Variants in MID1 observed in about 807,000 individuals in gnomAD.
MID1 encodes the protein E3 ubiquitin-protein ligase Midline-1.
A neutral mutation model predicts 40.4 loss-of-function variants in MID1; 7 were observed. The ratio of observed to expected loss-of-function variants is 0.17; its 90% confidence interval spans 0.10 to 0.33. The LOEUF is 0.33. Among genes scored for constraint, MID1 ranks in the 10% least tolerant of loss-of-function variants. The pLI, the probability that MID1 is intolerant of heterozygous loss-of-function variation, is 1.00. For missense variants in MID1, 367 were observed against 558.5 expected, an observed-to-expected ratio of 0.66 and a Z score of 3.46; for synonymous variants, 229 against 221.2, an observed-to-expected ratio of 1.04 and a Z score of -0.31.
At chrX:10,680,030 A>G (rs1364591698) in intron 1 of MID1, among the ~76,000 whole-genome samples, 2 of 112,418 alleles carry the variant, frequency 1.8e-5, no homozygotes, top group Non-Finnish European at 3.7e-5. Context: ...CACTTAATGC[A>G]AAAGCATTAC....
intron 1 of MID1, among the ~76,000 whole-genome samples, chrX:10,695,007 G>A (rs933363642): frequency 4.5e-5 from 5 of 111,897 alleles, no homozygotes; most frequent in East Asian, 5.6e-4. Context: ...AGAGGGGCCT[G>A]AAGTCTGCTA....
intron 1 of MID1, among the ~76,000 whole-genome samples, chrX:10,667,379 T>C (rs1416767938): frequency 8.9e-6 from 1 of 111,794 alleles, no homozygotes; most frequent in Non-Finnish European, 1.9e-5. Flanking sequence ...TCTATGCTAA[T>C]CATGTCCCAC....
chrX:10,770,604 G>A (rs1404975561), intron 1 of MID1, among the ~76,000 whole-genome samples: 1 of 111,420 alleles, frequency 9.0e-6, no homozygotes, highest in African/African-American at 3.3e-5. Flanking sequence ...ACTCATCACA[G>A]GCTAGTGTTT....
intron 1 of MID1, among the ~76,000 whole-genome samples, chrX:10,656,067 T>A (rs1363668035): frequency 8.9e-6 from 1 of 112,336 alleles, no homozygotes; most frequent in Admixed American, 9.4e-5. Context: ...CACACACACA[T>A]GCACACACTA....
Position 10,730,717 on chromosome X carries a change from G to A in MID1, c.-187+102837C>T, listed in dbSNP as rs760711282. 6.1e-3 allele frequency among the ~76,000 whole-genome samples: 663 copies of A among 109,123 alleles called. 10 individuals carry two copies. Among genetic ancestry groups the A allele is most frequent in the African/African-American group, 0.021 (622 of 29,942 alleles). 94.8% of individuals were successfully genotyped at this position (109,123 alleles called of 115,157 possible). On this transcript the variant is annotated intron_variant, in intron 1 of 10. Coordinates refer to the MID1 transcript ENST00000380785. ...CTCCCGAGTAGCTGGGACTACAGGC[G>A]CCCGCCACCACGCCCGGCTAATTTT...
chrX:10,667,524 T>C (rs996149858), intron 1 of MID1, among the ~76,000 whole-genome samples: 2 of 111,882 alleles, frequency 1.8e-5, no homozygotes, highest in Non-Finnish European at 3.8e-5. Context: ...TATGGAAATA[T>C]ATGTCTGGAA....
intron 1 of MID1, among the ~76,000 whole-genome samples, chrX:10,673,582 G>A (rs941504381): frequency 1.8e-5 from 2 of 111,831 alleles, no homozygotes; most frequent in African/African-American, 6.5e-5. Context: ...GATCATAAAG[G>A]AAGATAGGGA....
chrX:10,506,498 A>C (rs1480218704), intron 3 of MID1: 2 of 524,789 alleles, frequency 3.8e-6, no homozygotes, highest in Non-Finnish European at 6.7e-6. Context: ...AATAGGGAAG[A>C]AGCAGAGTAT....
At chrX:10,539,764 A>T (rs1017818576) in intron 2 of MID1, among the ~76,000 whole-genome samples, 1 of 112,610 alleles carries the variant, frequency 8.9e-6, no homozygotes, top group Non-Finnish European at 1.9e-5. Flanking sequence ...CTGTTCTTTG[A>T]GACAGAGTCT....
chrX:10,588,426 T>C (rs917457109), intron 1 of MID1, among the ~76,000 whole-genome samples: 1 of 111,812 alleles, frequency 8.9e-6, no homozygotes, highest in African/African-American at 3.3e-5. Flanking sequence ...CTCAGTGCTC[T>C]TGGGATATGC....
chrX:10,474,895 C>A (rs1461765643), intron 5 of MID1, 145 bp from the exon 6 acceptor site: 1 of 553,166 alleles, frequency 1.8e-6, no homozygotes, highest in Admixed American at 2.6e-5. Context: ...CAAAATGTCA[C>A]AACACAGTAA....
chrX:10,516,034 CAT>C (rs1163717019), intron 3 of MID1, among the ~76,000 whole-genome samples: 4 of 111,398 alleles, frequency 3.6e-5, no homozygotes, highest in Non-Finnish European at 7.5e-5. Flanking sequence ...TCTTTCACTA[CAT>C]ATATAATTAA....
At chrX:10,733,396 A>G (rs2043465254) in intron 1 of MID1, among the ~76,000 whole-genome samples, 1 of 111,997 alleles carries the variant, frequency 8.9e-6, no homozygotes, top group Admixed American at 9.5e-5. Flanking sequence ...ACCATAGGGC[A>G]GGAAAATTTT....
At chrX:10,761,992 C>G (rs1366638779) in intron 1 of MID1, among the ~76,000 whole-genome samples, 3 of 111,668 alleles carry the variant, frequency 2.7e-5, no homozygotes, top group African/African-American at 9.8e-5. Flanking sequence ...CCAGATGACT[C>G]TATATTTATA....
intron 2 of MID1, among the ~76,000 whole-genome samples, chrX:10,562,921 T>C (rs1053412213): frequency 3.7e-5 from 4 of 107,117 alleles, no homozygotes; most frequent in Non-Finnish European, 7.6e-5. Context: ...TATATGCAAG[T>C]ATGTGTGTGC....
chrX:10,664,630 T>C (rs2042938342), intron 1 of MID1, among the ~76,000 whole-genome samples: 2 of 112,565 alleles, frequency 1.8e-5, no homozygotes, highest in Non-Finnish European at 3.7e-5. Context: ...AGTACACTCG[T>C]TGGATCATAT....
intron 1 of MID1, among the ~76,000 whole-genome samples, chrX:10,796,124 GA>G (rs2043965239): frequency 8.9e-6 from 1 of 112,016 alleles, no homozygotes; most frequent in African/African-American, 3.2e-5. Flanking sequence ...CATGGATTTA[GA>G]AAAAGTTTGT....
intron 1 of MID1, among the ~76,000 whole-genome samples, chrX:10,582,299 G>A (rs762621250): frequency 6.3e-5 from 7 of 111,512 alleles, no homozygotes; most frequent in Non-Finnish European, 1.1e-4. Flanking sequence ...CCCCTGGCGC[G>A]AGATACTACC....
At chrX:10,572,187 TACAC>T (rs376684211) in intron 1 of MID1, among the ~76,000 whole-genome samples, 7,889 of 90,926 alleles carry the variant, frequency 0.087, 689 homozygotes, top group African/African-American at 0.26. Flanking sequence ...ATGTATCTAA[TACAC>T]ACACACACAC....
Sources: allele counts gnomAD v4.1 joint callset (sites outside exome capture counted in the v4.1 genomes callset), GRCh38; gene constraint gnomAD v4.1.1; transcripts MANE v1.5; gene names NCBI Gene and HGNC (gene_info 2026-07-23, HGNC 2026-07-21).